Variants in FAM178B observed in about 807,000 individuals in gnomAD.
FAM178B encodes protein FAM178B.
A neutral mutation model predicts 91.7 loss-of-function variants in FAM178B; 82 were observed. That is an observed-to-expected ratio of 0.89 (90% CI 0.75 to 1.07). The LOEUF (loss-of-function observed/expected upper bound fraction) is 1.07, where lower values mean the gene tolerates loss of function less well. FAM178B is among the 50% of genes least tolerant of loss of function. The pLI, the probability that FAM178B is intolerant of heterozygous loss-of-function variation, is 0.00. For missense variants in FAM178B, 769 were observed against 846.7 expected (o/e 0.91, Z 1.14); for synonymous variants, 368 against 359.4 (o/e 1.02, Z -0.27).
At position 96,918,421 on chromosome 2, in the gene FAM178B, G is replaced by A. The variant is rs59252761; in HGVS notation, c.1562+2744C>T. On this transcript the variant is annotated intron_variant, in intron 12 of 16. Coordinates refer to ENST00000490605, the MANE Select transcript of FAM178B (RefSeq NM_001122646.3). ...ACATGAAAAGATACTCAGTTTCACT[G>A]GCAATCAGGGAAATGAAAATTAGAA... Among the ~76,000 whole-genome samples, 39 of 152,300 alleles carry A rather than the reference G, an allele frequency of 2.6e-4. No homozygotes were observed. The East Asian group carries it at 7.3e-3, about 29-fold the overall frequency.
In FAM178B at chr2:96,878,408, A is replaced by G. The variant is rs751060038; in HGVS notation, c.1854+8T>C. ...CCCCACCACAGCCCTGCCCCTTGGG[A>G]GACTCACCCACTGGTCTGGAGTGAT... On this transcript the variant is annotated splice_region_variant and intron_variant, in intron 15 of 16. Transcript: ENST00000490605. 2 of 1,613,422 alleles carry G rather than the reference A, an allele frequency of 1.2e-6. No homozygotes were observed. Among genetic ancestry groups the G allele is most frequent in the Non-Finnish European group, 1.7e-6 (2 of 1,179,660 alleles).
intron 14 of FAM178B, among the ~76,000 whole-genome samples, chr2:96,892,876 G>T (rs191813494): frequency 6.6e-6 from 1 of 152,154 alleles, no homozygotes; most frequent in Non-Finnish European, 1.5e-5. Flanking sequence ...AGTTTCTGGG[G>T]AAATACTTGG....
At position 96,929,463 on chromosome 2, in the gene FAM178B, A is replaced by C. The variant is rs1168122500; in HGVS notation, c.1079-143T>G. 9.2e-6 allele frequency: 6 copies of C among 649,860 alleles called. No homozygotes were observed. The Admixed American group carries it at 1.8e-4, about 19-fold the overall frequency. The allele number at this position is 649,860 out of a possible 1,614,324, so 40.3% of individuals were successfully genotyped here. ...TGACACCACAGGTGTTATCTGGGGAAATGAAGCAACTGGTGGTTTCCAAGT... is the reference window on the plus strand; with the variant it reads ...TGACACCACAGGTGTTATCTGGGGACATGAAGCAACTGGTGGTTTCCAAGT... On this transcript the variant is annotated intron_variant, in intron 8 of 16. Coordinates refer to ENST00000490605, the MANE Select transcript of FAM178B (RefSeq NM_001122646.3).
intron 8 of FAM178B, among the ~76,000 whole-genome samples, chr2:96,941,705 A>C (rs1223582391): frequency 1.3e-5 from 2 of 152,204 alleles, no homozygotes; most frequent in Non-Finnish European, 2.9e-5. Flanking sequence ...CTACACAAAT[A>C]TTATAGAAGC....
At chr2:96,973,066 G>A (rs556462774) in intron 1 of FAM178B, among the ~76,000 whole-genome samples, 3 of 151,866 alleles carry the variant, frequency 2.0e-5, no homozygotes, top group Admixed American at 6.6e-5. Context: ...AAAATTAGCC[G>A]GGCGTGGCGG....
intron 6 of FAM178B, among the ~76,000 whole-genome samples, chr2:96,958,807 A>C (rs953398968): frequency 1.1e-4 from 17 of 150,168 alleles, no homozygotes; most frequent in African/African-American, 3.9e-4. Context: ...GTATGATAGT[A>C]ATATCGAAGT....
At chr2:96,880,057 A>T (rs1272974710) in intron 14 of FAM178B, among the ~76,000 whole-genome samples, 1 of 152,274 alleles carries the variant, frequency 6.6e-6, no homozygotes, top group Non-Finnish European at 1.5e-5. Context: ...AAACTCAGAC[A>T]TGAGAGGGAG....
chr2:96,899,007 C>T (rs1348624918), intron 13 of FAM178B, among the ~76,000 whole-genome samples: 1 of 152,134 alleles, frequency 6.6e-6, no homozygotes, highest in African/African-American at 2.4e-5. Context: ...GACGAGGTGG[C>T]CCTTTGAAGG....
chr2:96,919,169 A>G (rs1031192813), intron 12 of FAM178B, among the ~76,000 whole-genome samples: 3 of 152,196 alleles, frequency 2.0e-5, no homozygotes, highest in African/African-American at 7.2e-5. Context: ...CACACACACT[A>G]GGGAAATACT....
intron 12 of FAM178B, among the ~76,000 whole-genome samples, chr2:96,904,502 G>A (rs1416550387): frequency 6.6e-6 from 1 of 150,420 alleles, no homozygotes; most frequent in African/African-American, 2.5e-5. Flanking sequence ...CTCCCAAGTA[G>A]CTGGGACTAC....
intron 12 of FAM178B, among the ~76,000 whole-genome samples, chr2:96,919,027 C>A (rs1194757100): frequency 6.6e-6 from 1 of 152,190 alleles, no homozygotes; most frequent in African/African-American, 2.4e-5. Context: ...GAATTGCTGA[C>A]TCAAGCAGCT....
chr2:96,929,236 T>G lies in FAM178B; in HGVS notation c.1163A>C (p.Tyr388Ser), dbSNP rs776201484. 3.9e-6 allele frequency: 6 copies of G among 1,551,486 alleles called. No homozygotes were observed. The highest frequency in any genetic ancestry group is 4.4e-6 in the Non-Finnish European group (5 of 1,146,884). Residue 388 changes from tyrosine (Y) to serine (S), a missense_variant, in exon 9 of 17, where the codon TAC (tyrosine) becomes TCC (serine). Physicochemically the swap from Tyr to Ser is moderately radical, Grantham distance 144. Coordinates refer to ENST00000490605, the MANE Select transcript of FAM178B (RefSeq NM_001122646.3). Reference sequence around the variant, plus strand: ...ACCGTGCCAAAAGGGCCCCAGAGGGTACAGGGCAGGACTGTGGGCACCCAG... The same window carrying G: ...ACCGTGCCAAAAGGGCCCCAGAGGGGACAGGGCAGGACTGTGGGCACCCAG... ...HSLGAHSPAL[Y>S]PLGPFWHGGR... is the part of the protein sequence containing the mutation.
At chr2:96,984,781 T>G (rs956746361) in intron 1 of FAM178B, among the ~76,000 whole-genome samples, 5 of 152,210 alleles carry the variant, frequency 3.3e-5, no homozygotes, top group African/African-American at 1.2e-4. Flanking sequence ...CTCCCTCACA[T>G]GCCTTGAAAC....
chr2:96,970,314 C>T lies in FAM178B; in HGVS notation c.626+402G>A, dbSNP rs143073812. 9.8e-5 allele frequency among the ~76,000 whole-genome samples: 15 copies of T among 152,286 alleles called. No homozygotes were observed. The East Asian group carries it at 2.7e-3, about 27-fold the overall frequency. On this transcript the variant is annotated intron_variant, in intron 4 of 16. Coordinates refer to ENST00000490605, the MANE Select transcript of FAM178B (RefSeq NM_001122646.3). The stretch of plus-strand genomic sequence containing the variant: ...GCCTGCACACTGGGGTAGAAAGCAG[C>T]GGCAGAAATGTTAGGAAGTCCCGTC...
intron 13 of FAM178B, among the ~76,000 whole-genome samples, chr2:96,901,176 C>CTT (rs1195230304): frequency 1.5e-5 from 2 of 132,470 alleles, no homozygotes; most frequent in Admixed American, 7.6e-5. Flanking sequence ...ATTCTTTTTT[C>CTT]TTTTTTTTTT....
chr2:96,895,021 T>G (rs1227648704), intron 13 of FAM178B: 2 of 1,284,380 alleles, frequency 1.6e-6, no homozygotes, highest in East Asian at 5.6e-5. Flanking sequence ...TGGAACACCA[T>G]GAAGAGAGAC....
chr2:96,931,870 TC>T (rs1253431679), intron 8 of FAM178B, among the ~76,000 whole-genome samples: 2 of 151,656 alleles, frequency 1.3e-5, no homozygotes, highest in Non-Finnish European at 2.9e-5. Flanking sequence ...TTTTTTTTTT[TC>T]CTCTCTTGGG....
chr2:96,919,176 T>C (rs957688164), intron 12 of FAM178B, among the ~76,000 whole-genome samples: 1 of 152,130 alleles, frequency 6.6e-6, no homozygotes, highest in Non-Finnish European at 1.5e-5. Flanking sequence ...ACTAGGGAAA[T>C]ACTATGCAGC....
chr2:96,945,452 T>C (rs2081811189), intron 8 of FAM178B, among the ~76,000 whole-genome samples: 1 of 152,190 alleles, frequency 6.6e-6, no homozygotes, highest in African/African-American at 2.4e-5. Flanking sequence ...GAAGAACTGC[T>C]GGTCACCACA....
Sources: allele counts gnomAD v4.1 joint callset (sites outside exome capture counted in the v4.1 genomes callset), GRCh38; gene constraint gnomAD v4.1.1; transcripts MANE v1.5; gene names NCBI Gene and HGNC (gene_info 2026-07-23, HGNC 2026-07-21).